The following SCN10A variants were observed in gnomAD, a reference collection of about 807,000 sequenced individuals.
SCN10A encodes sodium voltage-gated channel alpha subunit 10.
SCN10A carries 162 observed loss-of-function variants against 170.7 expected under a neutral mutation model. That is an observed-to-expected ratio of 0.95 (90% CI 0.84 to 1.08). SCN10A has a LOEUF of 1.08. Ranked by LOEUF, SCN10A falls within the 50% of genes least tolerant of loss-of-function variation. The pLI is 0.00. For missense variants in SCN10A, 2,527 were observed against 2,436.9 expected, an observed-to-expected ratio of 1.04 and a Z score of -0.78; for synonymous variants, 985 against 904.6, an observed-to-expected ratio of 1.09 and a Z score of -1.59.
At chr3:38,763,640 C>T in intron 5 of SCN10A, 44 bp from the exon 6 acceptor site, 2 of 1,417,176 alleles carry the variant, frequency 1.4e-6, no homozygotes, top group Non-Finnish European at 2.0e-6. Flanking sequence ...AGCAAGGGTC[C>T]TGGGGATGCA....
chr3:38,772,718 CAACAACAAAAACAAA>C (rs1162554457), intron 4 of SCN10A, among the ~76,000 whole-genome samples: 1 of 76,578 alleles, frequency 1.3e-5, no homozygotes, highest in African/African-American at 5.6e-5. Flanking sequence ...GCAACAACAA[CAACAACAAAAACAAA>C]AACAAAAAAA....
At chr3:38,773,303 T>TA (rs977661787) in intron 4 of SCN10A, among the ~76,000 whole-genome samples, 30 of 150,638 alleles carry the variant, frequency 2.0e-4, no homozygotes, top group Non-Finnish European at 2.8e-4. Context: ...GACTTTGTCT[T>TA]AAAAAAAAAT....
At chr3:38,801,236 C>T (rs1203773110) in intron 1 of SCN10A, among the ~76,000 whole-genome samples, 2 of 152,174 alleles carry the variant, frequency 1.3e-5, no homozygotes. Flanking sequence ...GACTAAGCCT[C>T]ATGAGGTGAA....
chr3:38,751,838 G>C (rs2063750345), intron 12 of SCN10A, among the ~76,000 whole-genome samples: 1 of 152,184 alleles, frequency 6.6e-6, no homozygotes, highest in South Asian at 2.1e-4. Context: ...CAGCCTAGAA[G>C]AGTTTGCATA....
intron 1 of SCN10A, among the ~76,000 whole-genome samples, chr3:38,803,168 G>T (rs1305886064): frequency 6.6e-6 from 1 of 152,206 alleles, no homozygotes; most frequent in African/African-American, 2.4e-5. Flanking sequence ...TGGAGAGGAT[G>T]TGGAGAAATA....
intron 14 of SCN10A, among the ~76,000 whole-genome samples, chr3:38,740,981 A>G (rs60554541): frequency 0.21 from 31,563 of 151,922 alleles, 3,778 homozygotes; most frequent in East Asian, 0.4. Context: ...CAACTTTAGG[A>G]TGTGACCTCA....
At position 38,754,037 on chromosome 3, in the gene SCN10A, C is replaced by A. The variant is rs548883242; in HGVS notation, c.1462-1525G>T. ...TACCTGGGAAAAGAGGGAGAGGATGCCTTCCTGAGTGGGCTCCAATAAATC... is the reference window on the plus strand; with the variant it reads ...TACCTGGGAAAAGAGGGAGAGGATGACTTCCTGAGTGGGCTCCAATAAATC... On this transcript the variant is annotated intron_variant, in intron 11 of 27. Coordinates refer to ENST00000449082, the MANE Select transcript of SCN10A (RefSeq NM_006514.4). Among the ~76,000 whole-genome samples, 23 of 152,304 alleles carry A rather than the reference C, an allele frequency of 1.5e-4. No individual in the cohort carries two copies. The South Asian group carries it at 4.2e-3, about 27-fold the overall frequency.
chr3:38,783,272 C>G (rs1293821744), intron 4 of SCN10A, among the ~76,000 whole-genome samples: 5 of 152,174 alleles, frequency 3.3e-5, no homozygotes, highest in African/African-American at 1.2e-4. Flanking sequence ...GGAACGTGAC[C>G]AGCACTTCAC....
chr3:38,802,156 T>C (rs11717455), intron 1 of SCN10A, among the ~76,000 whole-genome samples: 17,716 of 152,192 alleles, frequency 0.12, 1,192 homozygotes, highest in Middle Eastern at 0.2. Context: ...TCTGGAGATA[T>C]AGCAGTACAC....
At position 38,788,876 on chromosome 3, in the gene SCN10A, A is replaced by G. The variant is rs2064243060; in HGVS notation, c.470+80T>C. On this transcript the variant is annotated intron_variant, in intron 4 of 27. Coordinates refer to ENST00000449082, the MANE Select transcript of SCN10A (RefSeq NM_006514.4). ...ACCCACATGAGGCATGGCAGGATAA[A>G]TAAAAGACAAAGACTGCCAAGTGAA... 8 of 868,720 alleles carry G rather than the reference A, an allele frequency of 9.2e-6. 1 individual carries two copies. The highest frequency in any genetic ancestry group is 6.9e-5 in the South Asian group (5 of 72,466). 53.8% of individuals were successfully genotyped at this position (868,720 alleles called of 1,614,324 possible). A position where few individuals can be genotyped will look rare whatever the true frequency, so the allele number is the denominator to read the frequency against.
intron 11 of SCN10A, 134 bp downstream of exon 11, chr3:38,755,654 G>A (rs1576006800): frequency 2.1e-6 from 2 of 945,264 alleles, no homozygotes; most frequent in East Asian, 4.9e-5. Context: ...CACCATTTTG[G>A]AGGGGTGTCT....
intron 4 of SCN10A, among the ~76,000 whole-genome samples, chr3:38,781,380 A>C (rs2064136899): frequency 6.6e-6 from 1 of 152,142 alleles, no homozygotes; most frequent in Non-Finnish European, 1.5e-5. Flanking sequence ...GATGAGATGC[A>C]CAGAAAACTG....
intron 1 of SCN10A, among the ~76,000 whole-genome samples, chr3:38,812,851 T>C (rs1424666758): frequency 1.3e-5 from 2 of 152,030 alleles, no homozygotes; most frequent in African/African-American, 4.8e-5. Flanking sequence ...CTGGGCAACA[T>C]GGCGAGACCC....
rs2063818437 is a variant in SCN10A at position 38,757,171 on chromosome 3, A to G, written c.951-12T>C. ...CATCAGGGCAGTGGCTGCAGCAAGA[A>G]CAGAGAAGGTCATCCCCTGCTTATT... On this transcript the variant is annotated splice_polypyrimidine_tract_variant and intron_variant, in intron 8 of 27. Coordinates refer to ENST00000449082, the MANE Select transcript of SCN10A (RefSeq NM_006514.4). The G allele has an allele frequency of 6.3e-7, 1 of 1,584,552 alleles. No homozygotes were observed. Among genetic ancestry groups the G allele is most frequent in the African/African-American group, 1.4e-5 (1 of 73,876 alleles).
chr3:38,810,684 T>C (rs1052905717), intron 1 of SCN10A, among the ~76,000 whole-genome samples: 2 of 152,218 alleles, frequency 1.3e-5, no homozygotes, highest in Non-Finnish European at 2.9e-5. Context: ...TTCTATAAGT[T>C]CTATGAGGGC....
intron 4 of SCN10A, among the ~76,000 whole-genome samples, chr3:38,776,133 G>A (rs2064071193): frequency 6.6e-6 from 1 of 151,956 alleles, no homozygotes; most frequent in African/African-American, 2.4e-5. Flanking sequence ...TAGGACAAAA[G>A]GATCATTGGT....
At chr3:38,751,650 C>T (rs572985335) in intron 12 of SCN10A, among the ~76,000 whole-genome samples, 19 of 152,314 alleles carry the variant, frequency 1.2e-4, no homozygotes, top group African/African-American at 4.6e-4. Context: ...ATGAGGAATC[C>T]CTGACTTGCC....
intron 4 of SCN10A, 122 bp downstream of exon 4, chr3:38,788,834 C>A (rs1365071814): frequency 3.0e-6 from 2 of 666,792 alleles, no homozygotes; most frequent in Admixed American, 2.3e-5. Context: ...GACATATAGA[C>A]AATGAGATTC....
chr3:38,753,167 A>G (rs180717173), intron 11 of SCN10A, among the ~76,000 whole-genome samples: 4 of 152,202 alleles, frequency 2.6e-5, no homozygotes, highest in Non-Finnish European at 5.9e-5. Context: ...CCTCCAAATC[A>G]ATAAACATTT....
Sources: gnomAD v4.1 joint callset for allele counts (sites outside exome capture counted in the v4.1 genomes callset) on GRCh38, gnomAD v4.1.1 for gene constraint, MANE v1.5 for transcripts, NCBI Gene and HGNC (gene_info 2026-07-23, HGNC 2026-07-21) for gene names.